The following ROBO2 variants were observed in gnomAD, a reference collection of about 807,000 sequenced individuals.
ROBO2 encodes roundabout homolog 2.
A neutral mutation model predicts 160.8 loss-of-function variants in ROBO2; 53 were observed. The observed-to-expected ratio is 0.33, with a 90% CI of 0.26 to 0.41. ROBO2 has a LOEUF of 0.41. ROBO2 is among the 10% of genes least tolerant of loss of function. ROBO2 has a pLI of 1.00. For synonymous variants in ROBO2, 664 were observed against 611.7 expected, an observed-to-expected ratio of 1.09 and a Z score of -1.26; for missense variants, 1,577 against 1,722.4, an observed-to-expected ratio of 0.92 and a Z score of 1.49.
chr3:76,211,592 A>G (rs927094725), intron 2 of ROBO2, among the ~76,000 whole-genome samples: 1 of 152,120 alleles, frequency 6.6e-6, no homozygotes, highest in Non-Finnish European at 1.5e-5. Context: ...TTTTAGCATC[A>G]TAGAAGACAA....
intron 1 of ROBO2, among the ~76,000 whole-genome samples, chr3:77,067,406 C>T (rs1398569829): frequency 1.3e-5 from 2 of 152,112 alleles, no homozygotes; most frequent in South Asian, 2.1e-4. Context: ...AAAGTTAAGT[C>T]AGCAGACAAC....
intron 2 of ROBO2, among the ~76,000 whole-genome samples, chr3:76,823,124 A>G (rs908292672): frequency 6.6e-6 from 1 of 152,114 alleles, no homozygotes; most frequent in African/African-American, 2.4e-5. Context: ...ATACTTAATG[A>G]TGCTTAAATT....
chr3:77,367,646 A>G (rs1340033835), intron 2 of ROBO2, among the ~76,000 whole-genome samples: 1 of 152,222 alleles, frequency 6.6e-6, no homozygotes, highest in Non-Finnish European at 1.5e-5. Context: ...AGCAGGCAAC[A>G]GTAATTTTCC....
intron 23 of ROBO2, among the ~76,000 whole-genome samples, chr3:77,628,821 C>G (rs931936139): frequency 2.0e-5 from 3 of 152,188 alleles, no homozygotes; most frequent in Non-Finnish European, 4.4e-5. Flanking sequence ...ACACTTCCCT[C>G]TCTTCAGATT....
intron 2 of ROBO2, among the ~76,000 whole-genome samples, chr3:77,123,688 C>CAT (rs36130347): frequency 0.068 from 10,096 of 148,288 alleles, 533 homozygotes; most frequent in East Asian, 0.24. Flanking sequence ...CAGCAGCTTT[C>CAT]ATATATATAT....
chr3:77,565,235 A>T, intron 12 of ROBO2, 115 bp downstream of exon 13: 1 of 1,157,248 alleles, frequency 8.6e-7, no homozygotes. Flanking sequence ...ATGATGGCTC[A>T]CTAGGCTTTA....
chr3:76,912,139 G>T (rs2076030819), intron 2 of ROBO2, among the ~76,000 whole-genome samples: 2 of 152,084 alleles, frequency 1.3e-5, no homozygotes, highest in South Asian at 2.1e-4. Flanking sequence ...GTCTAGTTTT[G>T]TGATCCCGAG....
chr3:77,553,397 C>A (rs2092993655), intron 8 of ROBO2, among the ~76,000 whole-genome samples: 1 of 151,798 alleles, frequency 6.6e-6, no homozygotes. Flanking sequence ...GGAATTAGGC[C>A]AGTCAGTATC....
intron 2 of ROBO2, among the ~76,000 whole-genome samples, chr3:76,273,143 A>ATATATATATATATATG: frequency 7.8e-6 from 1 of 127,512 alleles, no homozygotes; most frequent in Admixed American, 9.7e-5. Context: ...ATATATATAT[A>ATATATATATATATATG]TATACACATT....
intron 2 of ROBO2, among the ~76,000 whole-genome samples, chr3:76,864,579 T>C (rs2071155390): frequency 6.6e-6 from 1 of 152,008 alleles, no homozygotes. Flanking sequence ...ATTTTGACAT[T>C]CATCAAAAAT....
chr3:77,251,202 G>T (rs984480709), intron 2 of ROBO2, among the ~76,000 whole-genome samples: 1 of 152,150 alleles, frequency 6.6e-6, no homozygotes, highest in African/African-American at 2.4e-5. Context: ...TCTTAGTGGA[G>T]ATTGTGGCCA....
At chr3:77,183,777 C>T (rs1352586799) in intron 2 of ROBO2, among the ~76,000 whole-genome samples, 1 of 152,040 alleles carries the variant, frequency 6.6e-6, no homozygotes, top group South Asian at 2.1e-4. Flanking sequence ...TTAATCACCT[C>T]TTGTGAACAT....
chr3:76,104,345 T>C (rs1047275007), intron 2 of ROBO2, among the ~76,000 whole-genome samples: 1 of 152,142 alleles, frequency 6.6e-6, no homozygotes, highest in Non-Finnish European at 1.5e-5. Flanking sequence ...CCAGTGATCT[T>C]AGGAAGTAGG....
chr3:76,558,044 C>T (rs911847773), intron 2 of ROBO2, among the ~76,000 whole-genome samples: 6 of 152,040 alleles, frequency 3.9e-5, no homozygotes, highest in East Asian at 1.9e-4. Context: ...ACCAAAAAAG[C>T]GAAGTAGCAT....
chr3:77,564,715 A>G (rs1582977729), intron 11 of ROBO2: 1 of 589,294 alleles, frequency 1.7e-6, no homozygotes, highest in South Asian at 1.9e-5. Flanking sequence ...GGGCTGTCAC[A>G]TCTCCTGGGC....
At chr3:76,412,967 T>G (rs943239492) in intron 2 of ROBO2, among the ~76,000 whole-genome samples, 1 of 152,024 alleles carries the variant, frequency 6.6e-6, no homozygotes, top group African/African-American at 2.4e-5. Flanking sequence ...CCCCACCAGG[T>G]GTTGCCATAC....
At chr3:76,114,857 T>C (rs1056598092) in intron 2 of ROBO2, among the ~76,000 whole-genome samples, 5 of 152,110 alleles carry the variant, frequency 3.3e-5, no homozygotes, top group Non-Finnish European at 7.4e-5. Flanking sequence ...CTTTTAATGG[T>C]AAAAAGTGCA....
intron 2 of ROBO2, among the ~76,000 whole-genome samples, chr3:76,736,545 G>A (rs2093716512): frequency 6.6e-6 from 1 of 152,142 alleles, no homozygotes; most frequent in South Asian, 2.1e-4. Flanking sequence ...TAAATGTTTT[G>A]TTTGGAACAT....
intron 2 of ROBO2, among the ~76,000 whole-genome samples, chr3:76,779,433 C>A (rs995120521): frequency 6.6e-6 from 1 of 150,896 alleles, no homozygotes; most frequent in African/African-American, 2.4e-5. Flanking sequence ...AGGCACTGTG[C>A]TAGTAGTAGA....
Sources: gnomAD v4.1 joint callset for allele counts (sites outside exome capture counted in the v4.1 genomes callset) on GRCh38, gnomAD v4.1.1 for gene constraint, MANE v1.5 for transcripts, NCBI Gene and HGNC (gene_info 2026-07-23, HGNC 2026-07-21) for gene names.